ARHGAP11A: variants seen among roughly 807,000 people sequenced by gnomAD.
ARHGAP11A encodes Rho GTPase activating protein 11A.
A neutral mutation model predicts 60.5 loss-of-function variants in ARHGAP11A; 36 were observed. The ratio of observed to expected loss-of-function variants is 0.59; its 90% CI spans 0.46 to 0.79. The LOEUF (loss-of-function observed/expected upper bound fraction) is 0.79. ARHGAP11A is among the 30% of genes least tolerant of loss of function. The pLI is 0.00. For synonymous variants in ARHGAP11A, 362 were observed against 415.5 expected, an observed-to-expected ratio of 0.87 and a Z score of 1.57; for missense variants, 1,071 against 1,199.2, an observed-to-expected ratio of 0.89 and a Z score of 1.58.
Position 32,616,052 on chromosome 15 carries a change from C to T in ARHGAP11A, c.-160C>T. ...ATGTGAGTGAGGATCAAGGAAAAGC[C>T]GTGGAAGTGGCCGGGGGTCGGGGCC... is the stretch of plus-strand genomic sequence containing the variant. On this transcript the variant is annotated 5_prime_UTR_variant, in exon 1 of 12. Coordinates refer to ENST00000361627, the MANE Select transcript of ARHGAP11A (RefSeq NM_014783.6). 3 of 992,564 alleles carry T rather than the reference C, an allele frequency of 3.0e-6. No individual in the cohort carries two copies. Among genetic ancestry groups the T allele is most frequent in the Non-Finnish European group, 2.9e-6 (2 of 684,170 alleles). The allele number at this position is 992,564 out of a possible 1,614,324, so 61.5% of individuals were successfully genotyped here.
rs146284006 is a variant in ARHGAP11A, at chr15:32,626,685, C to T, written c.862+1052C>T. Among the ~76,000 whole-genome samples the T allele has an allele frequency of 9.8e-5, 15 of 152,372 alleles. No homozygotes were observed. The East Asian group carries it at 2.3e-3, about 24-fold the overall frequency. ...TCTCACCGTTCTGGAGGCTAGAAGT[C>T]TGAAATCAAGGTGTTGGCAGAATGC... On this transcript the variant is annotated intron_variant, in intron 6 of 11. Transcript: ENST00000361627.
Position 32,628,812 on chromosome 15 carries a change from T to C in ARHGAP11A, c.937+10T>C, listed in dbSNP as rs1330335921. ...CAAGAAGAAAGAATTGGTAGGTATT[T>C]ATTATATGCATTTATTTAAATTAAA... On this transcript the variant is annotated intron_variant, in intron 7 of 11. Transcript: ENST00000361627. The C allele has an allele frequency of 1.3e-6, 2 of 1,517,518 alleles. No individual in the cohort carries two copies. Among genetic ancestry groups the C allele is most frequent in the African/African-American group, 2.8e-5 (2 of 70,602 alleles). The allele number at this position is 1,517,518 out of a possible 1,614,324, so 94.0% of individuals were successfully genotyped here.
chr15:32,622,373 G>A (rs897636247), intron 2 of ARHGAP11A, among the ~76,000 whole-genome samples: 4 of 152,068 alleles, frequency 2.6e-5, no homozygotes, highest in Admixed American at 6.6e-5. Flanking sequence ...AGCAGTGATC[G>A]CACCACTCCA....
chr15:32,615,417 T>A (rs961060718), upstream of ARHGAP11A: 1 of 151,670 alleles, frequency 6.6e-6, no homozygotes, highest in East Asian at 1.9e-4. Context: ...CCCTCCGGGG[T>A]CCTGATTTTG....
chr15:32,634,109 C>T, intron 10 of ARHGAP11A, 68 bp downstream of exon 10: 1 of 1,029,552 alleles, frequency 9.7e-7, no homozygotes, highest in East Asian at 2.8e-5. Flanking sequence ...CTAAAAAACA[C>T]TCATAGCCCT....
Position 32,615,944 on chromosome 15 carries a change from C to T in ARHGAP11A, c.-268C>T, listed in dbSNP as rs2053127769. On this transcript the variant is annotated 5_prime_UTR_variant, in exon 1 of 12. Coordinates refer to ENST00000361627, the MANE Select transcript of ARHGAP11A (RefSeq NM_014783.6). ...GTGAGTAGCTGAAAGCATTGGGTGA[C>T]CAGAAAGAAGGTCGGTGTAAGTGAA... The T allele has an allele frequency of 5.8e-6, 3 of 514,594 alleles. No individual in the cohort carries two copies. Among genetic ancestry groups the T allele is most frequent in the African/African-American group, 5.7e-5 (3 of 52,256 alleles). 31.9% of individuals were successfully genotyped at this position (514,594 alleles called of 1,614,324 possible).
Position 32,628,769 on chromosome 15 carries a change from A to G in ARHGAP11A, c.904A>G (p.Thr302Ala). The G allele has an allele frequency of 6.4e-7, 1 of 1,568,024 alleles. No individual in the cohort carries two copies. Among genetic ancestry groups the G allele is most frequent in the Non-Finnish European group, 8.6e-7 (1 of 1,166,588 alleles). ...GALNKFKPNR[T>A]PSITPQEERI... ...ACTAAATAAATTTAAACCTAACAGA[A>G]CACCTTCTATTACACCTCAAGAAGA... Residue 302 changes from threonine to alanine, a missense_variant, in exon 7 of 12, where the codon ACA becomes GCA. By Grantham distance (58) the Thr-to-Ala change is moderately conservative. Transcript: ENST00000361627.
chr15:32,617,715 G>T (rs1424088973), intron 1 of ARHGAP11A, among the ~76,000 whole-genome samples: 2 of 151,926 alleles, frequency 1.3e-5, no homozygotes, highest in African/African-American at 4.8e-5. Context: ...CTCGTGATCC[G>T]CCCGCCTCGG....
chr15:32,635,958 G>A, intron 11 of ARHGAP11A, 43 bp downstream of exon 11: 4 of 1,530,326 alleles, frequency 2.6e-6, no homozygotes, highest in Non-Finnish European at 1.8e-6. Context: ...TAAAAATCCT[G>A]CTTTAGTTGC....
intron 6 of ARHGAP11A, 28 bp downstream of exon 6, chr15:32,625,661 T>C: frequency 6.2e-7 from 1 of 1,612,640 alleles, no homozygotes; most frequent in Non-Finnish European, 8.5e-7. Context: ...TTTATGGAGG[T>C]ACAGTGATTT....
In ARHGAP11A at chr15:32,624,044, A is replaced by C. The variant is rs186032845; in HGVS notation, c.298-129A>C. On this transcript the variant is annotated intron_variant, in intron 3 of 11. Transcript: ENST00000361627. ...AAAAATCATTAAAAATAAAGTAGTG[A>C]CATATATTAAAATAAGAGTTAAGAG... The C allele has an allele frequency of 1.3e-3, 823 of 628,162 alleles. 6 individuals are homozygous for C. In the African/African-American group the frequency reaches 0.013, roughly 10 times the overall value. The allele number at this position is 628,162 out of a possible 1,614,324, so 38.9% of individuals were successfully genotyped here.
intron 8 of ARHGAP11A, among the ~76,000 whole-genome samples, chr15:32,630,639 T>G (rs1039095312): frequency 3.9e-5 from 6 of 152,058 alleles, no homozygotes; most frequent in Admixed American, 6.6e-5. Context: ...TTATATGAGT[T>G]CCTTCCCAAA....
intron 6 of ARHGAP11A, among the ~76,000 whole-genome samples, chr15:32,626,376 A>G (rs558261157): frequency 2.6e-5 from 4 of 152,316 alleles, no homozygotes; most frequent in Middle Eastern, 3.4e-3. Context: ...CCATCATAAG[A>G]TGGTAGAGTT....
rs1463052951 is a variant in ARHGAP11A at position 32,638,200 on chromosome 15, AGTAGCTGGGACT to A, written c.*356_*367del. The A allele has an allele frequency of 5.6e-6, 1 of 178,160 alleles. No individual in the cohort carries two copies. The highest frequency in any genetic ancestry group is 5.9e-5 in the Admixed American group (1 of 16,812). The allele number at this position is 178,160 out of a possible 1,614,324, so 11.0% of individuals were successfully genotyped here. A position where few individuals can be genotyped will look rare whatever the true frequency, so the allele number is the denominator to read the frequency against. On this transcript the variant is annotated 3_prime_UTR_variant, in exon 12 of 12. Coordinates refer to ENST00000361627, the MANE Select transcript of ARHGAP11A (RefSeq NM_014783.6). Reference sequence around the variant, plus strand: ...GCCATTTTCCTGCCTCAGCCTCCCGAGTAGCTGGGACTACAGGTGCCCGCCACCACGCCCAGC... The same window carrying A: ...GCCATTTTCCTGCCTCAGCCTCCCGAACAGGTGCCCGCCACCACGCCCAGC...
intron 11 of ARHGAP11A, 147 bp from the exon 12 acceptor site, chr15:32,636,106 ATGTT>A (rs1567060005): frequency 7.2e-7 from 1 of 1,392,188 alleles, no homozygotes; most frequent in African/African-American, 1.5e-5. Context: ...AAATATGAAA[ATGTT>A]TGACATTCTT....
intron 1 of ARHGAP11A, among the ~76,000 whole-genome samples, chr15:32,619,204 T>C (rs576671690): frequency 6.6e-6 from 1 of 152,284 alleles, no homozygotes; most frequent in African/African-American, 2.4e-5. Context: ...TCAAAAAAAG[T>C]ACTTCAGCAT....
intron 2 of ARHGAP11A, 141 bp from the exon 3 acceptor site, chr15:32,623,351 A>C: frequency 1.4e-6 from 1 of 695,684 alleles, no homozygotes; most frequent in Non-Finnish European, 2.2e-6. Context: ...AACTAAAAGT[A>C]ACATTTCATC....
rs2053121083 is a variant in ARHGAP11A, at chr15:32,615,739, G to C, written c.-473G>C. 6.5e-6 allele frequency: 1 copy of C among 154,458 alleles called. No homozygotes were observed. The highest frequency in any genetic ancestry group is 1.4e-5 in the Non-Finnish European group (1 of 69,450). The allele number at this position is 154,458 out of a possible 1,614,324, so 9.6% of individuals were successfully genotyped here. On this transcript the variant is annotated 5_prime_UTR_variant, in exon 1 of 12. Coordinates refer to ENST00000361627, the MANE Select transcript of ARHGAP11A (RefSeq NM_014783.6). ...GCTGGTCCGGCGGCCAGGCTAGGGC[G>C]GGGGCGAGCGCCCAGTTGAGCCTGC...
In ARHGAP11A at chr15:32,637,533, C is replaced by T; in HGVS notation, c.2760C>T (p.Ser920=). The change falls in exon 12 of 12, where the codon AGC becomes AGT. Residue 920 remains serine, a synonymous_variant. Transcript: ENST00000361627. ...ATATTGGTGCAATTTCAAAGTCAAGCATGGAGTTACCCTCGAAATCTTTCT... is the reference window on the plus strand; with the variant it reads ...ATATTGGTGCAATTTCAAAGTCAAGTATGGAGTTACCCTCGAAATCTTTCT... ...ESNIGAISKS[S]MELPSKSFLK... is the part of the protein sequence containing the mutation. The T allele has an allele frequency of 1.2e-6, 2 of 1,614,014 alleles. No homozygotes were observed.
Sources: gnomAD v4.1 joint callset for allele counts (sites outside exome capture counted in the v4.1 genomes callset) on GRCh38, gnomAD v4.1.1 for gene constraint, MANE v1.5 for transcripts, NCBI Gene and HGNC (gene_info 2026-07-23, HGNC 2026-07-21) for gene names.